The following CETN3 variants were observed in gnomAD, a reference collection of about 807,000 sequenced individuals.
CETN3 encodes centrin 3.
A neutral mutation model predicts 20.1 loss-of-function variants in CETN3; 17 were observed. The observed-to-expected ratio is 0.85, with a 90% CI of 0.58 to 1.27. CETN3 has a LOEUF of 1.27. Among genes scored for constraint, CETN3 ranks in the 50% most tolerant of loss-of-function variants. The pLI is 0.00. For synonymous variants in CETN3, 52 were observed against 59.7 expected (o/e 0.87, Z 0.59); for missense variants, 169 against 191.2 (o/e 0.88, Z 0.69).
At chr5:90,402,067 G>C (rs1328204373) in intron 3 of CETN3, among the ~76,000 whole-genome samples, 2 of 152,068 alleles carry the variant, frequency 1.3e-5, no homozygotes, top group Non-Finnish European at 2.9e-5. Context: ...GCCCCAGCTG[G>C]TCTCAAACTC....
intron 4 of CETN3, chr5:90,396,601 T>G: frequency 1.4e-6 from 2 of 1,423,206 alleles, no homozygotes; most frequent in Non-Finnish European, 1.9e-6. Flanking sequence ...AGCCTTAGAA[T>G]GATTTGATTA....
At chr5:90,401,604 C>T (rs548867472) in intron 3 of CETN3, among the ~76,000 whole-genome samples, 29 of 152,218 alleles carry the variant, frequency 1.9e-4, no homozygotes, top group Middle Eastern at 3.4e-3. Flanking sequence ...ATAGGTAATG[C>T]TAGAAATACA....
chr5:90,394,213 C>A, intron 4 of CETN3, 106 bp from the exon 5 acceptor site: 1 of 682,746 alleles, frequency 1.5e-6, no homozygotes. Context: ...TTACATTATG[C>A]AAAATTATTA....
intron 3 of CETN3, among the ~76,000 whole-genome samples, chr5:90,405,110 T>G (rs958661584): frequency 2.6e-5 from 4 of 152,190 alleles, no homozygotes; most frequent in African/African-American, 9.6e-5. Context: ...GCTTCCAGTA[T>G]GCCCACTGCC....
chr5:90,400,455 A>G (rs1749256163), intron 3 of CETN3, among the ~76,000 whole-genome samples: 2 of 152,140 alleles, frequency 1.3e-5, no homozygotes, highest in South Asian at 4.1e-4. Flanking sequence ...GTTACTAAAT[A>G]AAATTCTAAC....
chr5:90,407,859 T>C, intron 1 of CETN3, 25 bp from the exon 2 acceptor site: 1 of 1,537,398 alleles, frequency 6.5e-7, no homozygotes, highest in Non-Finnish European at 8.7e-7. Flanking sequence ...GAAAAAGCCC[T>C]TAGTCCACTT....
intron 3 of CETN3, among the ~76,000 whole-genome samples, chr5:90,404,185 TGA>T (rs1749376990): frequency 6.6e-6 from 1 of 152,116 alleles, no homozygotes; most frequent in Non-Finnish European, 1.5e-5. Context: ...AAGAATCTCA[TGA>T]GAGAATACAA....
intron 3 of CETN3, among the ~76,000 whole-genome samples, chr5:90,403,044 A>ACT (rs1199583205): frequency 6.6e-6 from 1 of 152,238 alleles, no homozygotes; most frequent in Non-Finnish European, 1.5e-5. Context: ...TCTTAAAGAC[A>ACT]CTAATTCCTA....
rs1289593960 is a variant in CETN3, at chr5:90,399,341, T to C, written c.460+17A>G. 6.2e-7 allele frequency: 1 copy of C among 1,612,462 alleles called. No individual in the cohort carries two copies. Among genetic ancestry groups the C allele is most frequent in the Admixed American group, 1.7e-5 (1 of 59,964 alleles). On this transcript the variant is annotated intron_variant, in intron 4 of 4. Transcript: ENST00000283122. ...GCATCAGGAAAACCTGGAAAATACG[T>C]TTCACTTAAAACTTACTTTCTCCAT... is the stretch of plus-strand genomic sequence containing the variant.
rs142045576 is a variant in CETN3 at position 90,398,728 on chromosome 5, TC to T, written c.460+629del. Among the ~76,000 whole-genome samples, 328 of 152,326 alleles carry T rather than the reference TC, an allele frequency of 2.2e-3. 2 individuals carry two copies. The highest frequency in any genetic ancestry group is 7.4e-3 in the African/African-American group (306 of 41,576). On this transcript the variant is annotated intron_variant, in intron 4 of 4. Coordinates refer to ENST00000283122, the MANE Select transcript of CETN3 (RefSeq NM_004365.4). ...ACTCTGTAGGCACTGAAGAATCGTT[TC>T]AAGTGTCTAAACACAGAAATGGCAT... is the stretch of plus-strand genomic sequence containing the variant.
chr5:90,405,371 G>T lies in CETN3; in HGVS notation c.268+314C>A, dbSNP rs542853852. On this transcript the variant is annotated intron_variant, in intron 3 of 4. Coordinates refer to ENST00000283122, the MANE Select transcript of CETN3 (RefSeq NM_004365.4). ...TTTTATTAAGCAAAAATAATTTTTT[G>T]ATCACCCTTCAAGTTTTATCACATA... is the stretch of plus-strand genomic sequence containing the variant. 9.1e-6 allele frequency: 3 copies of T among 330,936 alleles called. No homozygotes were observed. The East Asian group carries it at 1.4e-4, about 15-fold the overall frequency. The allele number at this position is 330,936 out of a possible 1,614,324, so 20.5% of individuals were successfully genotyped here.
In CETN3 at chr5:90,399,506, G is replaced by T. The variant is rs1303962058; in HGVS notation, c.312C>A (p.Leu104=). 6.2e-7 allele frequency: 1 copy of T among 1,613,412 alleles called. No individual in the cohort carries two copies. Among genetic ancestry groups the T allele is most frequent in the African/African-American group, 1.3e-5 (1 of 74,894 alleles). The change falls in exon 4 of 5, where the codon CTC becomes CTA. Residue 104 remains leucine (L), a synonymous_variant. Coordinates refer to ENST00000283122, the MANE Select transcript of CETN3 (RefSeq NM_004365.4). ...CATCATCAAATAGTTTAAATGCCTTGAGTATTTCTTCATGGGGATCTCTTT... is the reference window on the plus strand; with the variant it reads ...CATCATCAAATAGTTTAAATGCCTTTAGTATTTCTTCATGGGGATCTCTTT... ...ILERDPHEEI[L]KAFKLFDDDD... is the part of the protein sequence containing the mutation.
At chr5:90,396,120 A>C in intron 4 of CETN3, 1 of 976,688 alleles carries the variant, frequency 1.0e-6, no homozygotes, top group Non-Finnish European at 1.2e-6. Context: ...AGAATTTGGA[A>C]AGGAAGTAGA....
intron 3 of CETN3, chr5:90,405,430 C>T (rs1049384822): frequency 2.3e-6 from 1 of 436,620 alleles, no homozygotes. Flanking sequence ...AAGCATCTTT[C>T]TATAAAAAGC....
At chr5:90,400,941 T>C (rs918447236) in intron 3 of CETN3, among the ~76,000 whole-genome samples, 3 of 152,162 alleles carry the variant, frequency 2.0e-5, no homozygotes, top group Non-Finnish European at 4.4e-5. Flanking sequence ...CTATGGCACA[T>C]ACTCAACTTA....
At chr5:90,396,654 CAAAATCCAA>C (rs907764272) in intron 4 of CETN3, 9 of 904,566 alleles carry the variant, frequency 9.9e-6, no homozygotes, top group African/African-American at 8.6e-5. Context: ...TTAAAATATT[CAAAATCCAA>C]AAAGTACTTG....
At chr5:90,404,967 G>A (rs1014802281) in intron 3 of CETN3, among the ~76,000 whole-genome samples, 1 of 151,842 alleles carries the variant, frequency 6.6e-6, no homozygotes, top group Non-Finnish European at 1.5e-5. Context: ...TTGCCTTCCG[G>A]ACTCTTCTAT....
rs1749492481 is a variant in CETN3 at position 90,407,777 on chromosome 5, T to C, written c.75A>G (p.Glu25=). The C allele has an allele frequency of 1.2e-6, 2 of 1,603,054 alleles. No homozygotes were observed. The highest frequency in any genetic ancestry group is 1.7e-6 in the Non-Finnish European group (2 of 1,173,638). The change falls in exon 2 of 5, where the codon GAA becomes GAG. Residue 25 remains glutamate, a synonymous_variant. Coordinates refer to ENST00000283122, the MANE Select transcript of CETN3 (RefSeq NM_004365.4). ...AAGCATCTTTAATTTCTTGTTTCTG[T>C]TCCTCAGACAGTTCTCTTCTTTTTT... ...KRKKRRELSE[E]QKQEIKDAFE...
chr5:90,396,503 G>C (rs778295871), intron 4 of CETN3: 2 of 1,532,878 alleles, frequency 1.3e-6, no homozygotes, highest in South Asian at 2.4e-5. Flanking sequence ...CTTCACTGAA[G>C]AACTCCCGAT....
Sources: allele counts gnomAD v4.1 joint callset (sites outside exome capture counted in the v4.1 genomes callset), GRCh38; gene constraint gnomAD v4.1.1; transcripts MANE v1.5; gene names NCBI Gene and HGNC (gene_info 2026-07-23, HGNC 2026-07-21).